The following SHANK2 variants were observed in gnomAD, a reference collection of about 807,000 sequenced individuals.
The protein encoded by SHANK2 is SH3 and multiple ankyrin repeat domains 2, also known as SH3 and multiple ankyrin repeat domains protein 2.
In SHANK2, 43 loss-of-function variants were observed where a neutral mutation model predicts 133.7. The ratio of observed to expected loss-of-function variants is 0.32; its 90% confidence interval spans 0.25 to 0.41. The LOEUF (loss-of-function observed/expected upper bound fraction) is 0.41, where lower values mean the gene tolerates loss of function less well. Among genes scored for constraint, SHANK2 ranks in the 10% least tolerant of loss-of-function variants. The probability of loss-of-function intolerance (pLI) is 1.00; values close to 1 mark genes in which losing one functional copy is unlikely to be tolerated. For synonymous variants in SHANK2, 1,017 were observed against 952.8 expected, an observed-to-expected ratio of 1.07 and a Z score of -1.24; for missense variants, 1,994 against 2,235.8, an observed-to-expected ratio of 0.89 and a Z score of 2.18.
intron 6 of SHANK2, among the ~76,000 whole-genome samples, chr11:71,100,672 T>C (rs1378619647): frequency 6.6e-6 from 1 of 152,014 alleles, no homozygotes; most frequent in Non-Finnish European, 1.5e-5. Flanking sequence ...ATCGAGACCA[T>C]CCTGGTTAAC....
chr11:70,857,957 C>A (rs191450892), intron 11 of SHANK2, among the ~76,000 whole-genome samples: 1 of 152,306 alleles, frequency 6.6e-6, no homozygotes, highest in East Asian at 1.9e-4. Flanking sequence ...CCACCCACCC[C>A]ACCTTGGAAT....
intron 17 of SHANK2, among the ~76,000 whole-genome samples, chr11:70,627,947 C>T (rs566355452): frequency 6.6e-6 from 1 of 152,064 alleles, no homozygotes; most frequent in Non-Finnish European, 1.5e-5. Flanking sequence ...ACATGCCTAG[C>T]AAGGAAGAGA....
intron 17 of SHANK2, among the ~76,000 whole-genome samples, chr11:70,624,602 G>A (rs1294282588): frequency 7.1e-6 from 1 of 141,356 alleles, no homozygotes; most frequent in African/African-American, 2.4e-5. Flanking sequence ...CAGGGGTGAT[G>A]GTGCCCCCCC....
chr11:71,058,120 C>A, intron 9 of SHANK2, among the ~76,000 whole-genome samples: 1 of 152,044 alleles, frequency 6.6e-6, no homozygotes, highest in African/African-American at 2.4e-5. Context: ...GTCTCAAACT[C>A]CTGGGCTCAA....
At chr11:70,476,953 G>C (rs563666337) in intron 25 of SHANK2, among the ~76,000 whole-genome samples, 143 of 152,366 alleles carry the variant, frequency 9.4e-4, no homozygotes, top group African/African-American at 3.3e-3. Context: ...GGTTGCCCCA[G>C]TGCTGCCCTC....
intron 11 of SHANK2, among the ~76,000 whole-genome samples, chr11:70,838,228 G>A (rs527412844): frequency 2.2e-4 from 33 of 152,238 alleles, no homozygotes; most frequent in Admixed American, 3.9e-4. Flanking sequence ...AGAAGACCCC[G>A]CACAAAGTGG....
At chr11:70,834,436 C>T (rs1555059453) in intron 11 of SHANK2, among the ~76,000 whole-genome samples, 8 of 152,320 alleles carry the variant, frequency 5.3e-5, no homozygotes, top group Non-Finnish European at 1.2e-4. Flanking sequence ...CTTGCAGAAA[C>T]AAAGACTGAA....
At position 71,119,052 on chromosome 11, in the gene SHANK2, C is replaced by T. The variant is rs1555100994; in HGVS notation, c.208-20G>A. On this transcript the variant is annotated intron_variant, in intron 3 of 25. Transcript: ENST00000601538. ...GCATTTCTGCCAGGAAGGACAAAGA[C>T]AGCTGATGAGTGACAGAGGACGCTA... is the stretch of plus-strand genomic sequence containing the variant. The T allele has an allele frequency of 1.3e-6, 2 of 1,550,222 alleles. No individual in the cohort carries two copies. Among genetic ancestry groups the T allele is most frequent in the South Asian group, 1.2e-5 (1 of 83,926 alleles).
chr11:70,489,516 G>A (rs933798341), intron 23 of SHANK2, 168 bp from the exon 24 acceptor site: 5 of 725,988 alleles, frequency 6.9e-6, no homozygotes, highest in East Asian at 2.5e-5. Flanking sequence ...TCACAAGCAC[G>A]CTGCGCTTTT....
chr11:70,866,500 T>TC (rs1308845206), intron 11 of SHANK2, among the ~76,000 whole-genome samples: 1 of 151,932 alleles, frequency 6.6e-6, no homozygotes, highest in African/African-American at 2.4e-5. Flanking sequence ...AAAGAAGGAG[T>TC]CCAAGTGTTC....
At chr11:70,694,503 C>T (rs1317489728) in intron 15 of SHANK2, among the ~76,000 whole-genome samples, 1 of 152,252 alleles carries the variant, frequency 6.6e-6, no homozygotes, top group African/African-American at 2.4e-5. Flanking sequence ...TGGCCTCAGC[C>T]CTGTGCTGTC....
intron 17 of SHANK2, among the ~76,000 whole-genome samples, chr11:70,540,444 A>G (rs1182343197): frequency 6.6e-6 from 1 of 152,014 alleles, no homozygotes; most frequent in Non-Finnish European, 1.5e-5. Context: ...AGTCGGAGTG[A>G]TGAGGACCAT....
Position 70,739,322 on chromosome 11 carries a change from A to G in SHANK2, c.1778-40559T>C, listed in dbSNP as rs1381408010. 6.6e-6 allele frequency among the ~76,000 whole-genome samples: 1 copy of G among 151,970 alleles called. No individual in the cohort carries two copies. Among genetic ancestry groups the G allele is most frequent in the Non-Finnish European group, 1.5e-5 (1 of 68,000 alleles). ...TCCACCCATCTCCACACATCTCCAC[A>G]CATCTCCACCTCCCCACAGAAGGGA... On this transcript the variant is annotated intron_variant, in intron 14 of 25. Transcript: ENST00000601538. This position sits in a 1 kb window ranked among gnomAD's most constrained non-coding sequence, Gnocchi z 4.3.
intron 17 of SHANK2, among the ~76,000 whole-genome samples, chr11:70,557,304 A>G (rs2059846080): frequency 6.6e-6 from 1 of 152,180 alleles, no homozygotes; most frequent in African/African-American, 2.4e-5. Flanking sequence ...AAAGCAAGCA[A>G]GCAAACAGAT....
chr11:70,510,399 G>A (rs117977430), intron 17 of SHANK2, among the ~76,000 whole-genome samples: 3,562 of 152,300 alleles, frequency 0.023, 65 homozygotes, highest in Middle Eastern at 0.054. Flanking sequence ...GCCCTCCCGC[G>A]CTCATGCTTG....
intron 17 of SHANK2, among the ~76,000 whole-genome samples, chr11:70,641,408 A>C (rs1555006312): frequency 5.9e-5 from 9 of 151,942 alleles, no homozygotes; most frequent in Non-Finnish European, 1.3e-4. Context: ...TTTTTTCTTA[A>C]ACGTGCTTTA....
intron 17 of SHANK2, among the ~76,000 whole-genome samples, chr11:70,591,988 G>A (rs575702545): frequency 4.6e-5 from 7 of 151,870 alleles, no homozygotes; most frequent in Admixed American, 2.6e-4. Flanking sequence ...ATCCAAGATC[G>A]CGCCATCGCA....
chr11:70,708,936 C>A (rs782811598), intron 14 of SHANK2, among the ~76,000 whole-genome samples: 1 of 152,164 alleles, frequency 6.6e-6, no homozygotes, highest in Non-Finnish European at 1.5e-5. Flanking sequence ...AAGGGCAGGG[C>A]GTGGTGGCTC....
At chr11:70,887,965 G>C (rs1246146605) in intron 11 of SHANK2, among the ~76,000 whole-genome samples, 1 of 152,184 alleles carries the variant, frequency 6.6e-6, no homozygotes, top group Non-Finnish European at 1.5e-5. Context: ...AGGCTTAAGG[G>C]ACAGGCCTCG....
Sources: gnomAD v4.1 joint callset for allele counts (sites outside exome capture counted in the v4.1 genomes callset) on GRCh38, gnomAD v4.1.1 for gene constraint, Gnocchi (gnomAD v3.1) non-coding constraint, MANE v1.5 for transcripts, NCBI Gene and HGNC (gene_info 2026-07-23, HGNC 2026-07-21) for gene names.